The following NT5DC3 variants were observed in gnomAD, a reference collection of about 807,000 sequenced individuals.
NT5DC3 encodes 5'-nucleotidase domain-containing protein 3.
NT5DC3 carries 42 observed loss-of-function variants against 67.8 expected under a neutral mutation model. That is an observed-to-expected ratio of 0.62 (90% CI 0.48 to 0.80). The LOEUF is 0.80. Among genes scored for constraint, NT5DC3 ranks in the 30% least tolerant of loss-of-function variants. NT5DC3 has a pLI of 0.00. For missense variants in NT5DC3, 570 were observed against 696.4 expected (o/e 0.82, Z 2.04); for synonymous variants, 237 against 255.6 (o/e 0.93, Z 0.69).
At chr12:103,766,425 A>G, downstream of NT5DC3, 1 of 1,456,072 alleles carries the variant, frequency 6.9e-7, no homozygotes, top group Non-Finnish European at 9.3e-7. Context: ...TTAGGAACGT[A>G]AAGTCCTTTA....
chr12:103,841,167 T>C lies in NT5DC3; in HGVS notation c.-11A>G. The C allele has an allele frequency of 1.4e-6, 1 of 697,518 alleles. No individual in the cohort carries two copies. The allele number at this position is 697,518 out of a possible 1,614,324, so 43.2% of individuals were successfully genotyped here. ...CGCTGCCATGGTCATGCCTGCTGCCTGCTGCCGCCACCGCCGCCGCGCCGC... is the reference window on the plus strand; with the variant it reads ...CGCTGCCATGGTCATGCCTGCTGCCCGCTGCCGCCACCGCCGCCGCGCCGC... On this transcript the variant is annotated 5_prime_UTR_variant, in exon 1 of 14. Transcript: ENST00000392876.
At chr12:103,788,699 C>T in intron 10 of NT5DC3, 139 bp downstream of exon 10, 1 of 636,800 alleles carries the variant, frequency 1.6e-6, no homozygotes, top group South Asian at 2.2e-5. Context: ...AAGTTTACCA[C>T]CAAGTTATAA....
At chr12:103,787,386 TAGTA>T (rs1489027431) in intron 11 of NT5DC3, 51 bp downstream of exon 11, 1 of 805,806 alleles carries the variant, frequency 1.2e-6, no homozygotes. Context: ...ATACATTCTT[TAGTA>T]AGTGAGACTA....
chr12:103,772,014 C>G (rs923687732), downstream of NT5DC3, among the ~76,000 whole-genome samples: 7 of 152,098 alleles, frequency 4.6e-5, no homozygotes, highest in African/African-American at 1.7e-4. Flanking sequence ...GGAGGAATGA[C>G]AGTCTTCAAG....
At chr12:103,761,916 T>C in the NT5DC3 span, among the ~76,000 whole-genome samples, 1 of 151,970 alleles carries the variant, frequency 6.6e-6, no homozygotes, top group Non-Finnish European at 1.5e-5. Flanking sequence ...AGGGGAGAGG[T>C]GAGCTGCTGG....
chr12:103,765,086 CAAAAAAAA>C, the NT5DC3 span, among the ~76,000 whole-genome samples: 11 of 66,514 alleles, frequency 1.7e-4, no homozygotes, highest in African/African-American at 4.7e-4. Flanking sequence ...GACTCTGTCT[CAAAAAAAA>C]AAAAAAAAAA....
At chr12:103,761,870 ATGG>A in the NT5DC3 span, among the ~76,000 whole-genome samples, 1 of 152,264 alleles carries the variant, frequency 6.6e-6, no homozygotes, top group African/African-American at 2.4e-5. Flanking sequence ...AAAGTTGGTG[ATGG>A]TGGTTGTTAG....
intron 1 of NT5DC3, among the ~76,000 whole-genome samples, chr12:103,820,313 C>T (rs7132446): frequency 0.048 from 7,326 of 152,222 alleles, 398 homozygotes; most frequent in East Asian, 0.18. Flanking sequence ...GTTTTAGGAA[C>T]TGCCCTACTG....
At chr12:103,763,305 T>C in the NT5DC3 span, 13 of 618,494 alleles carry the variant, frequency 2.1e-5, no homozygotes, top group Non-Finnish European at 3.8e-5. Flanking sequence ...CAGACATCGG[T>C]AAGATGTCAC....
chr12:103,755,791 GC>G, the NT5DC3 span: 2 of 1,424,618 alleles, frequency 1.4e-6, no homozygotes, highest in Admixed American at 3.4e-5. Context: ...GAGGGGTGAG[GC>G]CTTAAGCTGA....
chr12:103,761,008 T>TCCTC, the NT5DC3 span, among the ~76,000 whole-genome samples: 13 of 151,580 alleles, frequency 8.6e-5, no homozygotes, highest in African/African-American at 2.9e-4. Flanking sequence ...GTTTGCTACT[T>TCCTC]CCTGGGTGAT....
chr12:103,762,179 C>A, the NT5DC3 span: 1 of 1,529,380 alleles, frequency 6.5e-7, no homozygotes, highest in Non-Finnish European at 8.8e-7. Context: ...TATTTTTATC[C>A]CCACTGGCTC....
chr12:103,756,584 C>T, the NT5DC3 span, among the ~76,000 whole-genome samples: 1 of 152,188 alleles, frequency 6.6e-6, no homozygotes, highest in Non-Finnish European at 1.5e-5. Flanking sequence ...AAGGACACAG[C>T]CTAACTCATC....
Position 103,777,448 on chromosome 12 carries a change from T to A in NT5DC3, c.*381A>T, listed in dbSNP as rs1437754306. On this transcript the variant is annotated 3_prime_UTR_variant, in exon 14 of 14. Coordinates refer to ENST00000392876, the MANE Select transcript of NT5DC3 (RefSeq NM_001031701.3). Reference sequence around the variant, plus strand: ...CTGTGCCCCTGCAGTTCCCAATGCATAGCCCGTAAATGTTCAGGAAATGTT... The same window carrying A: ...CTGTGCCCCTGCAGTTCCCAATGCAAAGCCCGTAAATGTTCAGGAAATGTT... 1 of 198,746 alleles carries A rather than the reference T, an allele frequency of 5.0e-6. No homozygotes were observed. The allele number at this position is 198,746 out of a possible 1,614,324, so 12.3% of individuals were successfully genotyped here. A position where few individuals can be genotyped will look rare whatever the true frequency, so the allele number is the denominator to read the frequency against.
rs965924212 is a variant in NT5DC3 at position 103,818,533 on chromosome 12, G to A, written c.209-3412C>T. Among the ~76,000 whole-genome samples the A allele has an allele frequency of 3.9e-5, 6 of 152,014 alleles. No homozygotes were observed. The South Asian group carries it at 6.2e-4, about 16-fold the overall frequency. On this transcript the variant is annotated intron_variant, in intron 1 of 13. Transcript: ENST00000392876. ...TGAGATTACAGGTGTGCACCACCAC[G>A]CCTGGCTAATTTTTGTATTTTTAGT... is the stretch of plus-strand genomic sequence containing the variant.
At chr12:103,748,124 T>G in the NT5DC3 span, among the ~76,000 whole-genome samples, 1 of 152,234 alleles carries the variant, frequency 6.6e-6, no homozygotes, top group Non-Finnish European at 1.5e-5. Flanking sequence ...AGATATATAC[T>G]TTCTTTACAC....
chr12:103,840,627 G>A (rs952023895), intron 1 of NT5DC3, among the ~76,000 whole-genome samples: 2 of 152,244 alleles, frequency 1.3e-5, no homozygotes, highest in African/African-American at 2.4e-5. Context: ...TCCCAAGGGA[G>A]GCCTGAGGAA....
the NT5DC3 span, chr12:103,758,104 T>TCGG: frequency 6.2e-7 from 1 of 1,604,272 alleles, no homozygotes; most frequent in African/African-American, 1.3e-5. Flanking sequence ...CCTGGGACCT[T>TCGG]CTTCAGCCAC....
downstream of NT5DC3, among the ~76,000 whole-genome samples, chr12:103,770,061 A>G (rs2139281017): frequency 6.6e-6 from 1 of 152,338 alleles, no homozygotes; most frequent in East Asian, 1.9e-4. Flanking sequence ...GACCCAGAGC[A>G]CCTGCTCCTT....
Sources: allele counts gnomAD v4.1 joint callset (sites outside exome capture counted in the v4.1 genomes callset), GRCh38; gene constraint gnomAD v4.1.1; transcripts MANE v1.5; gene names NCBI Gene and HGNC (gene_info 2026-07-23, HGNC 2026-07-21).